Variants in HS3ST3A1 observed in about 807,000 individuals in gnomAD.
The protein encoded by HS3ST3A1 is heparan sulfate-glucosamine 3-sulfotransferase 3A1.
Under a neutral mutation model 25.7 loss-of-function variants are expected in HS3ST3A1, and 19 were observed. The observed-to-expected ratio is 0.74, with a 90% CI of 0.52 to 1.08. The LOEUF (loss-of-function observed/expected upper bound fraction) is 1.08. Among genes scored for constraint, HS3ST3A1 ranks in the 50% least tolerant of loss-of-function variants. The pLI, the probability that HS3ST3A1 is intolerant of heterozygous loss-of-function variation, is 0.00. For missense variants in HS3ST3A1, 459 were observed against 594.3 expected (o/e 0.77, Z 2.37); for synonymous variants, 226 against 278.6 (o/e 0.81, Z 1.88).
At chr17:13,523,928 C>T (rs1442393346) in intron 1 of HS3ST3A1, among the ~76,000 whole-genome samples, 2 of 151,872 alleles carry the variant, frequency 1.3e-5, no homozygotes, top group African/African-American at 4.8e-5. Context: ...TTCATTCTTC[C>T]TACCTTAATA....
At chr17:13,515,478 T>G (rs927417460) in intron 1 of HS3ST3A1, among the ~76,000 whole-genome samples, 16 of 147,798 alleles carry the variant, frequency 1.1e-4, no homozygotes, top group African/African-American at 1.5e-4. Context: ...TCAGTTTTTT[T>G]TTTTTTTTTT....
intron 1 of HS3ST3A1, among the ~76,000 whole-genome samples, chr17:13,542,276 C>T (rs1906956997): frequency 6.8e-6 from 1 of 147,400 alleles, no homozygotes; most frequent in African/African-American, 2.5e-5. Context: ...TTGCAGTGAG[C>T]AGAGATTGCG....
intron 1 of HS3ST3A1, among the ~76,000 whole-genome samples, chr17:13,502,880 G>C (rs1377213560): frequency 5.6e-5 from 8 of 143,970 alleles, no homozygotes; most frequent in South Asian, 2.2e-4. Flanking sequence ...TAACTATAAT[G>C]AAAAAAAAAA....
intron 1 of HS3ST3A1, among the ~76,000 whole-genome samples, chr17:13,552,166 G>A (rs1042045134): frequency 1.3e-5 from 2 of 152,038 alleles, no homozygotes; most frequent in Non-Finnish European, 2.9e-5. Context: ...CGCAACCTCC[G>A]CCTCCCAGGT....
chr17:13,564,011 G>A (rs761802622), intron 1 of HS3ST3A1, among the ~76,000 whole-genome samples: 35 of 152,092 alleles, frequency 2.3e-4, no homozygotes, highest in Non-Finnish European at 3.7e-4. Context: ...ATTTGGACTC[G>A]TCTTGTGGAC....
At chr17:13,597,359 T>G (rs148134783) in intron 1 of HS3ST3A1, among the ~76,000 whole-genome samples, 1 of 152,098 alleles carries the variant, frequency 6.6e-6, no homozygotes, top group Non-Finnish European at 1.5e-5. Context: ...GCTCGCCTGC[T>G]CTTGAACTAC....
chr17:13,591,940 A>C (rs574979087), intron 1 of HS3ST3A1, among the ~76,000 whole-genome samples: 4 of 152,278 alleles, frequency 2.6e-5, no homozygotes, highest in African/African-American at 4.8e-5. Flanking sequence ...GATTCCAGGC[A>C]TAAGCCACCA....
chr17:13,500,824 C>A (rs1905449834), intron 1 of HS3ST3A1, among the ~76,000 whole-genome samples: 1 of 152,088 alleles, frequency 6.6e-6, no homozygotes, highest in African/African-American at 2.4e-5. Context: ...GTTCTTCTCC[C>A]CATAGAACTC....
chr17:13,586,263 A>T lies in HS3ST3A1; in HGVS notation c.599+14268T>A, dbSNP rs566105338. On this transcript the variant is annotated intron_variant, in intron 1 of 1. Transcript: ENST00000284110. ...TATAAGTCCTACTTCTGAAACATCT[A>T]CCAAATATTTCCCTCACTTCCCATG... is the stretch of plus-strand genomic sequence containing the variant. Among the ~76,000 whole-genome samples, 101 of 152,080 alleles carry T rather than the reference A, an allele frequency of 6.6e-4. 4 individuals carry two copies. In the South Asian group the frequency reaches 0.021, roughly 31 times the overall value.
At chr17:13,560,380 T>TTC (rs908273296) in intron 1 of HS3ST3A1, among the ~76,000 whole-genome samples, 33 of 150,642 alleles carry the variant, frequency 2.2e-4, no homozygotes, top group African/African-American at 8.0e-4. Flanking sequence ...CCACCTTTGC[T>TTC]TCTCTGTGTG....
chr17:13,527,710 T>A (rs1245783310), intron 1 of HS3ST3A1, among the ~76,000 whole-genome samples: 1 of 152,226 alleles, frequency 6.6e-6, no homozygotes, highest in African/African-American at 2.4e-5. Context: ...TGTATTCCCA[T>A]TCTGCTCATT....
intron 1 of HS3ST3A1, among the ~76,000 whole-genome samples, chr17:13,593,559 G>C (rs989571320): frequency 1.3e-5 from 2 of 152,166 alleles, no homozygotes; most frequent in African/African-American, 4.8e-5. Flanking sequence ...GCAGGGGAGG[G>C]GAAGCTGGTG....
intron 1 of HS3ST3A1, among the ~76,000 whole-genome samples, chr17:13,568,001 G>A (rs1203359083): frequency 6.6e-6 from 1 of 152,198 alleles, no homozygotes; most frequent in East Asian, 1.9e-4. Context: ...AGCATCGCAT[G>A]CTGCAGAGAA....
At chr17:13,499,090 T>C (rs147862097) in intron 1 of HS3ST3A1, among the ~76,000 whole-genome samples, 1,525 of 152,316 alleles carry the variant, frequency 0.01, 16 homozygotes, top group Non-Finnish European at 0.013. Flanking sequence ...TTAATGGACC[T>C]CATTACCCAC....
rs774700444 is a variant in HS3ST3A1 at position 13,601,149 on chromosome 17, G to C, written c.-20C>G. 4 of 1,493,782 alleles carry C rather than the reference G, an allele frequency of 2.7e-6. No homozygotes were observed. Among genetic ancestry groups the C allele is most frequent in the Admixed American group, 4.6e-5 (2 of 43,568 alleles). 92.5% of individuals were successfully genotyped at this position (1,493,782 alleles called of 1,614,324 possible). Reference sequence around the variant, plus strand: ...GGCCATCCTAGCCGGAGGCGACGTCGGGCAACGCGCCGGCCATGCTAGGCC... The same window carrying C: ...GGCCATCCTAGCCGGAGGCGACGTCCGGCAACGCGCCGGCCATGCTAGGCC... On this transcript the variant is annotated 5_prime_UTR_variant, in exon 1 of 2. Transcript: ENST00000284110.
chr17:13,571,526 A>G (rs1379059263), intron 1 of HS3ST3A1, among the ~76,000 whole-genome samples: 1 of 152,154 alleles, frequency 6.6e-6, no homozygotes, highest in Non-Finnish European at 1.5e-5. Flanking sequence ...ATGACTGACA[A>G]TTTTCCATAA....
chr17:13,585,322 C>G (rs1450338653), intron 1 of HS3ST3A1, among the ~76,000 whole-genome samples: 1 of 149,428 alleles, frequency 6.7e-6, no homozygotes, highest in East Asian at 2.0e-4. Flanking sequence ...GCTTCAGCCT[C>G]CAGAGTAGCT....
intron 1 of HS3ST3A1, among the ~76,000 whole-genome samples, chr17:13,584,451 GAGGAAGGA>G (rs10651517): frequency 2.1e-5 from 3 of 143,598 alleles, no homozygotes; most frequent in Non-Finnish European, 4.6e-5. Context: ...AAGAGAGAGA[GAGGAAGGA>G]AGGAAGGAAG....
chr17:13,582,155 T>C (rs1908131505), intron 1 of HS3ST3A1, among the ~76,000 whole-genome samples: 1 of 152,222 alleles, frequency 6.6e-6, no homozygotes, highest in East Asian at 1.9e-4. Flanking sequence ...AACAACTCGT[T>C]TGGCAAAGTA....
Sources: allele counts gnomAD v4.1 joint callset (sites outside exome capture counted in the v4.1 genomes callset), GRCh38; gene constraint gnomAD v4.1.1; transcripts MANE v1.5; gene names NCBI Gene and HGNC (gene_info 2026-07-23, HGNC 2026-07-21).